CCSER2: variants seen among roughly 807,000 people sequenced by gnomAD.
CCSER2 encodes the protein serine-rich coiled-coil domain-containing protein 2.
In CCSER2, 46 loss-of-function variants were observed where a neutral mutation model predicts 92.3. The ratio of observed to expected loss-of-function variants is 0.50; its 90% CI spans 0.39 to 0.64. The LOEUF is 0.64. CCSER2 is among the 30% of genes least tolerant of loss of function. The pLI, the probability that CCSER2 is intolerant of heterozygous loss-of-function variation, is 0.00. For missense variants in CCSER2, 1,244 were observed against 1,238.9 expected, an observed-to-expected ratio of 1.00 and a Z score of -0.06; for synonymous variants, 433 against 431.4, an observed-to-expected ratio of 1.00 and a Z score of -0.04.
chr10:84,346,075 C>G (rs556593084), intron 1 of CCSER2, among the ~76,000 whole-genome samples: 150 of 152,258 alleles, frequency 9.9e-4, no homozygotes, highest in African/African-American at 3.5e-3. Context: ...TTAGAATAAT[C>G]TTTTTTGAGA....
chr10:84,341,151 C>T lies in CCSER2; in HGVS notation c.-40+12343C>T, dbSNP rs80177534. On this transcript the variant is annotated intron_variant, in intron 1 of 9. Transcript: ENST00000372088. ...AACCTCCTGGACTCAAGTGATGTGC[C>T]CTCCCGAGTAGCTGGGACTACAAGC... 9.7e-3 allele frequency among the ~76,000 whole-genome samples: 1,449 copies of T among 150,142 alleles called. 27 individuals are homozygous for T. The highest frequency in any genetic ancestry group is 0.034 in the African/African-American group (1,397 of 40,706).
chr10:84,513,001 A>G (rs1849441818), intron 9 of CCSER2, among the ~76,000 whole-genome samples: 1 of 152,156 alleles, frequency 6.6e-6, no homozygotes, highest in Non-Finnish European at 1.5e-5. Flanking sequence ...CAGAAGAACA[A>G]CACTTGTTAA....
intron 5 of CCSER2, among the ~76,000 whole-genome samples, chr10:84,429,041 G>T (rs1843613619): frequency 6.8e-6 from 1 of 146,598 alleles, no homozygotes. Context: ...CTGGTCTGTA[G>T]TTTTGTTTTG....
chr10:84,390,569 A>G (rs1841464389), intron 3 of CCSER2, among the ~76,000 whole-genome samples: 1 of 152,236 alleles, frequency 6.6e-6, no homozygotes, highest in Non-Finnish European at 1.5e-5. Flanking sequence ...TAGTTATGAC[A>G]TCATTATGTT....
At chr10:84,332,434 ATATTT>A (rs1843623509) in intron 1 of CCSER2, among the ~76,000 whole-genome samples, 1 of 66,074 alleles carries the variant, frequency 1.5e-5, no homozygotes, top group East Asian at 5.0e-4. Context: ...ATATATATAT[ATATTT>A]TTTTTTTTTT....
At chr10:84,410,067 T>A (rs1233471973) in intron 3 of CCSER2, among the ~76,000 whole-genome samples, 1 of 152,154 alleles carries the variant, frequency 6.6e-6, no homozygotes, top group Non-Finnish European at 1.5e-5. Context: ...CCAACTCTAA[T>A]GATGTCCTTG....
In CCSER2 at chr10:84,372,227, A is replaced by C; in HGVS notation, c.1175A>C (p.Asp392Ala). ...GATGCTAAAATGAGATACCTGAGTG[A>C]TGATGTGGATGACATTTCCTTGTCG... is the stretch of plus-strand genomic sequence containing the variant. ...KHDAKMRYLSDDVDDISLSSL... is the reference protein window; with the variant it reads ...KHDAKMRYLSADVDDISLSSL... The change falls in exon 2 of 10, where the codon GAT becomes GCT. Residue 392 changes from aspartate (D) to alanine (A), a missense_variant. Transcript: ENST00000372088. The C allele has an allele frequency of 6.2e-7, 1 of 1,613,424 alleles. No homozygotes were observed. The highest frequency in any genetic ancestry group is 1.1e-5 in the South Asian group (1 of 91,056).
intron 9 of CCSER2, among the ~76,000 whole-genome samples, chr10:84,489,595 G>C (rs770166021): frequency 6.6e-6 from 1 of 152,058 alleles, no homozygotes; most frequent in Non-Finnish European, 1.5e-5. Flanking sequence ...TTGCTTGGTA[G>C]ATCTTCCTCC....
At chr10:84,505,375 A>C (rs1848986294) in intron 9 of CCSER2, among the ~76,000 whole-genome samples, 1 of 152,124 alleles carries the variant, frequency 6.6e-6, no homozygotes, top group African/African-American at 2.4e-5. Flanking sequence ...TACACTTTCT[A>C]AGGCCACTTG....
At chr10:84,411,714 A>G (rs549239233) in intron 3 of CCSER2, among the ~76,000 whole-genome samples, 21 of 152,218 alleles carry the variant, frequency 1.4e-4, no homozygotes, top group Non-Finnish European at 2.9e-4. Flanking sequence ...TGGGGCTAAG[A>G]TGATGGGGTT....
intron 5 of CCSER2, among the ~76,000 whole-genome samples, chr10:84,431,690 C>T (rs1236415707): frequency 6.6e-6 from 1 of 151,812 alleles, no homozygotes; most frequent in African/African-American, 2.4e-5. Flanking sequence ...TGCAGTGAGC[C>T]GAGATCACCC....
Position 84,328,634 on chromosome 10 carries a change from G to C in CCSER2, c.-214G>C, listed in dbSNP as rs1843383314. ...CCGAGGGAGGGGGCGCGGCGGCTTTGGAGTCCGGCGCTCCCTCAGGCCGCG... is the reference window on the plus strand; with the variant it reads ...CCGAGGGAGGGGGCGCGGCGGCTTTCGAGTCCGGCGCTCCCTCAGGCCGCG... On this transcript the variant is annotated 5_prime_UTR_variant, in exon 1 of 10. Coordinates refer to ENST00000372088, the MANE Select transcript of CCSER2 (RefSeq NM_001284240.2). The C allele has an allele frequency of 6.6e-6, 1 of 150,640 alleles. No homozygotes were observed. Among genetic ancestry groups the C allele is most frequent in the African/African-American group, 2.4e-5 (1 of 41,118 alleles). 9.3% of individuals were successfully genotyped at this position (150,640 alleles called of 1,614,324 possible).
intron 8 of CCSER2, chr10:84,473,051 G>C (rs1233675980): frequency 6.6e-6 from 1 of 151,964 alleles, no homozygotes; most frequent in Non-Finnish European, 1.5e-5. Flanking sequence ...CAGTTGTCCT[G>C]AATAATATCT....
In CCSER2 at chr10:84,438,475, A is replaced by G. The variant is rs573801607; in HGVS notation, c.1869-37A>G. The stretch of plus-strand genomic sequence containing the variant: ...TTATTTCTTTCTGAAATTGTATTGT[A>G]TATCTTTTCCCTCCACCTTCTTCCC... On this transcript the variant is annotated intron_variant, in intron 5 of 9. Coordinates refer to ENST00000372088, the MANE Select transcript of CCSER2 (RefSeq NM_001284240.2). 18 of 1,089,840 alleles carry G rather than the reference A, an allele frequency of 1.7e-5. No homozygotes were observed. The East Asian group carries it at 1.7e-4, about 10-fold the overall frequency. 67.5% of individuals were successfully genotyped at this position (1,089,840 alleles called of 1,614,324 possible).
At chr10:84,412,823 T>C (rs1005153341) in intron 3 of CCSER2, among the ~76,000 whole-genome samples, 5 of 152,320 alleles carry the variant, frequency 3.3e-5, no homozygotes, top group Admixed American at 6.5e-5. Context: ...CTAGCAGACA[T>C]GTAAGCCCTG....
Position 84,370,939 on chromosome 10 carries a change from TATC to T in CCSER2, c.-39-72_-39-70del, listed in dbSNP as rs1234788358. Reference sequence around the variant, plus strand: ...GTTTTTCTGCGTATAAAAGTGTAAGTATCATATTATGTAATAATTCATGTAATT... The same window carrying T: ...GTTTTTCTGCGTATAAAAGTGTAAGTATATTATGTAATAATTCATGTAATT... On this transcript the variant is annotated intron_variant, in intron 1 of 9. Transcript: ENST00000372088. 39 of 672,430 alleles carry T rather than the reference TATC, an allele frequency of 5.8e-5. No homozygotes were observed. In the Middle Eastern group the frequency reaches 2.4e-3, roughly 41 times the overall value. 41.7% of individuals were successfully genotyped at this position (672,430 alleles called of 1,614,324 possible). A position where few individuals can be genotyped will look rare whatever the true frequency, so the allele number is the denominator to read the frequency against.
At chr10:84,482,762 G>C (rs530775753) in intron 9 of CCSER2, among the ~76,000 whole-genome samples, 1 of 152,216 alleles carries the variant, frequency 6.6e-6, no homozygotes, top group East Asian at 1.9e-4. Flanking sequence ...TAGACCCAAA[G>C]GATCTACCTG....
At chr10:84,493,401 C>T (rs901713502) in intron 9 of CCSER2, among the ~76,000 whole-genome samples, 1 of 152,190 alleles carries the variant, frequency 6.6e-6, no homozygotes, top group East Asian at 1.9e-4. Context: ...AAAGAACCAA[C>T]ATTTTGTTTT....
chr10:84,425,794 G>GT lies in CCSER2; in HGVS notation c.1774dup (p.Trp592LeufsTer20). On this transcript the variant is annotated frameshift_variant, in exon 5 of 10. Transcript: ENST00000372088. LOFTEE classifies it high-confidence loss of function. ...AGAAATGTTCGGCAGCCTCAGGAAG[G>GT]TTTTTGGAAAAGGCCACCCCAGAGG... 6.2e-7 allele frequency: 1 copy of GT among 1,613,720 alleles called. No individual in the cohort carries two copies. The highest frequency in any genetic ancestry group is 8.5e-7 in the Non-Finnish European group (1 of 1,179,778).
Sources: allele counts gnomAD v4.1 joint callset (sites outside exome capture counted in the v4.1 genomes callset), GRCh38; gene constraint gnomAD v4.1.1; transcripts MANE v1.5; gene names NCBI Gene and HGNC (gene_info 2026-07-23, HGNC 2026-07-21).